The following DIRAS2 variants were observed in gnomAD, a reference collection of about 807,000 sequenced individuals.
DIRAS2 encodes DIRAS family GTPase 2.
DIRAS2 carries 5 observed loss-of-function variants against 13.9 expected under a neutral mutation model. The ratio of observed to expected loss-of-function variants is 0.36; its 90% confidence interval spans 0.19 to 0.76. DIRAS2 has a LOEUF of 0.76. Among genes scored for constraint, DIRAS2 ranks in the 30% least tolerant of loss-of-function variants. The pLI is 0.53. For missense variants in DIRAS2, 191 were observed against 263.0 expected (o/e 0.73, Z 1.89); for synonymous variants, 111 against 105.4 (o/e 1.05, Z -0.33).
chr9:90,641,485 A>G (rs932544159), intron 1 of DIRAS2, among the ~76,000 whole-genome samples: 10 of 152,188 alleles, frequency 6.6e-5, no homozygotes, highest in Non-Finnish European at 1.2e-4. Flanking sequence ...TTTTATTTCT[A>G]TAAAATGAAC....
chr9:90,625,971 C>T (rs1825264858), intron 1 of DIRAS2: 1 of 152,148 alleles, frequency 6.6e-6, no homozygotes, highest in African/African-American at 2.4e-5. Flanking sequence ...ATCATGAGGT[C>T]AGGAGATCAA....
intron 1 of DIRAS2, among the ~76,000 whole-genome samples, chr9:90,619,264 A>C (rs1825197174): frequency 1.3e-5 from 2 of 151,916 alleles, no homozygotes. Context: ...ACATGGTGAA[A>C]CCCCGTCTCT....
rs563091713 is a variant in DIRAS2, at chr9:90,639,359, A to G, written c.-37+3393T>C. ...CTAATGGTGTCAAATAGAGACAAAC[A>G]TTGAAAATACTCATACCAGTAAAGC... On this transcript the variant is annotated intron_variant, in intron 1 of 1. Coordinates refer to ENST00000375765, the MANE Select transcript of DIRAS2 (RefSeq NM_017594.5). Among the ~76,000 whole-genome samples, 4 of 152,380 alleles carry G rather than the reference A, an allele frequency of 2.6e-5. No individual in the cohort carries two copies. In the South Asian group the frequency reaches 6.2e-4, roughly 24 times the overall value.
chr9:90,620,282 G>A (rs912886785), intron 1 of DIRAS2, among the ~76,000 whole-genome samples: 1 of 152,158 alleles, frequency 6.6e-6, no homozygotes, highest in Non-Finnish European at 1.5e-5. Flanking sequence ...CACACATATA[G>A]AGCATCAGGT....
intron 1 of DIRAS2, among the ~76,000 whole-genome samples, chr9:90,615,826 C>A (rs900162587): frequency 6.6e-6 from 1 of 152,230 alleles, no homozygotes; most frequent in Non-Finnish European, 1.5e-5. Context: ...TTCCTAAAAG[C>A]CCCACTTCCA....
At chr9:90,640,733 C>T (rs899738069) in intron 1 of DIRAS2, among the ~76,000 whole-genome samples, 7 of 152,202 alleles carry the variant, frequency 4.6e-5, no homozygotes, top group Non-Finnish European at 2.9e-5. Flanking sequence ...TGCAGATCAA[C>T]ACCAAACACT....
chr9:90,639,710 AC>A (rs1473460794), intron 1 of DIRAS2, among the ~76,000 whole-genome samples: 1 of 152,004 alleles, frequency 6.6e-6, no homozygotes, highest in African/African-American at 2.4e-5. Flanking sequence ...CCTCGTATCT[AC>A]TCACTGGTTA....
chr9:90,631,341 C>G (rs1825323051), intron 1 of DIRAS2, among the ~76,000 whole-genome samples: 1 of 152,132 alleles, frequency 6.6e-6, no homozygotes, highest in African/African-American at 2.4e-5. Flanking sequence ...CCGGGACAGG[C>G]AGGTCATGTA....
At chr9:90,615,154 T>C (rs1364087618) in intron 1 of DIRAS2, among the ~76,000 whole-genome samples, 1 of 152,068 alleles carries the variant, frequency 6.6e-6, no homozygotes, top group African/African-American at 2.4e-5. Context: ...AGTTTTAGAG[T>C]CCAGTAAAAA....
chr9:90,614,968 C>A (rs1232265749), intron 1 of DIRAS2, among the ~76,000 whole-genome samples: 1 of 152,106 alleles, frequency 6.6e-6, no homozygotes, highest in African/African-American at 2.4e-5. Flanking sequence ...TAACACCAAA[C>A]AAAATAGAGA....
chr9:90,614,549 G>A (rs1825150536), intron 1 of DIRAS2, among the ~76,000 whole-genome samples: 1 of 152,118 alleles, frequency 6.6e-6, no homozygotes, highest in South Asian at 2.1e-4. Context: ...TAAGAGGGAA[G>A]GCTAGGATAC....
chr9:90,616,535 C>T (rs921861206), intron 1 of DIRAS2, among the ~76,000 whole-genome samples: 3 of 152,096 alleles, frequency 2.0e-5, no homozygotes, highest in African/African-American at 7.2e-5. Context: ...GAAAGATGAA[C>T]AGGAGTCAGA....
chr9:90,614,837 T>C (rs1241562282), intron 1 of DIRAS2, among the ~76,000 whole-genome samples: 1 of 152,216 alleles, frequency 6.6e-6, no homozygotes, highest in African/African-American at 2.4e-5. Flanking sequence ...CAACTCTTCA[T>C]CACAAACTTC....
At chr9:90,625,251 C>T (rs1825257531) in intron 1 of DIRAS2, among the ~76,000 whole-genome samples, 1 of 152,170 alleles carries the variant, frequency 6.6e-6, no homozygotes, top group African/African-American at 2.4e-5. Context: ...CCGTGGGCTA[C>T]CTATGTATTC....
intron 1 of DIRAS2, among the ~76,000 whole-genome samples, chr9:90,639,242 C>G (rs1825397376): frequency 6.6e-6 from 1 of 152,096 alleles, no homozygotes; most frequent in African/African-American, 2.4e-5. Context: ...AAGAAATGGA[C>G]ATATTTTCAT....
chr9:90,640,818 C>T (rs1825412535), intron 1 of DIRAS2, among the ~76,000 whole-genome samples: 1 of 152,170 alleles, frequency 6.6e-6, no homozygotes, highest in Non-Finnish European at 1.5e-5. Context: ...AAGAAATTCT[C>T]TGGTGGAAAA....
At chr9:90,616,398 T>C (rs1825169177) in intron 1 of DIRAS2, among the ~76,000 whole-genome samples, 1 of 152,172 alleles carries the variant, frequency 6.6e-6, no homozygotes, top group Non-Finnish European at 1.5e-5. Flanking sequence ...ATCCAAAAGA[T>C]AACTTCATAA....
intron 1 of DIRAS2, among the ~76,000 whole-genome samples, chr9:90,632,125 T>G (rs976934133): frequency 1.3e-5 from 2 of 152,212 alleles, no homozygotes; most frequent in Non-Finnish European, 2.9e-5. Context: ...GTGATCAGTT[T>G]GCCTCAGGCT....
intron 1 of DIRAS2, among the ~76,000 whole-genome samples, chr9:90,632,671 A>T (rs949304723): frequency 2.0e-5 from 3 of 152,186 alleles, no homozygotes; most frequent in Non-Finnish European, 4.4e-5. Flanking sequence ...CAGTACTTGA[A>T]CACTGCCTGG....
Sources: allele counts gnomAD v4.1 joint callset (sites outside exome capture counted in the v4.1 genomes callset), GRCh38; gene constraint gnomAD v4.1.1; transcripts MANE v1.5; gene names NCBI Gene and HGNC (gene_info 2026-07-23, HGNC 2026-07-21).